MAPKAP1: variants seen among roughly 807,000 people sequenced by gnomAD.
MAPKAP1 encodes MAPK associated protein 1, also known as target of rapamycin complex 2 subunit MAPKAP1.
Under a neutral mutation model 65.7 loss-of-function variants are expected in MAPKAP1, and 20 were observed. The observed-to-expected ratio is 0.30, with a 90% CI of 0.21 to 0.44. The LOEUF is 0.44. Ranked by LOEUF, MAPKAP1 falls within the 20% of genes least tolerant of loss-of-function variation. MAPKAP1 has a pLI of 1.00. For synonymous variants in MAPKAP1, 222 were observed against 244.3 expected, an observed-to-expected ratio of 0.91 and a Z score of 0.85; for missense variants, 423 against 648.0, an observed-to-expected ratio of 0.65 and a Z score of 3.77.
chr9:125,454,298 T>C (rs1036452545), intron 10 of MAPKAP1, among the ~76,000 whole-genome samples: 3 of 152,244 alleles, frequency 2.0e-5, no homozygotes, highest in African/African-American at 7.2e-5. Context: ...CTTAGAGAAG[T>C]AGATAAGAAA....
At chr9:125,693,014 A>AAGCAAACCCTCACACACTGG (rs1258189963) in intron 1 of MAPKAP1, among the ~76,000 whole-genome samples, 1 of 152,182 alleles carries the variant, frequency 6.6e-6, no homozygotes, top group Non-Finnish European at 1.5e-5. Flanking sequence ...GGCTTTGCTG[A>AAGCAAACCCTCACACACTGG]AGCAAACCCT....
intron 4 of MAPKAP1, chr9:125,652,292 G>A: frequency 3.4e-6 from 4 of 1,173,026 alleles, no homozygotes; most frequent in East Asian, 5.5e-5. Context: ...ATGTATTTAA[G>A]GACTATCATC....
At chr9:125,488,022 C>A (rs1001443612) in intron 8 of MAPKAP1, among the ~76,000 whole-genome samples, 4 of 152,176 alleles carry the variant, frequency 2.6e-5, no homozygotes, top group African/African-American at 9.7e-5. Flanking sequence ...TATGAAATAA[C>A]CAGCAAGGCT....
In MAPKAP1 at chr9:125,623,659, G is replaced by C. The variant is rs1408490538; in HGVS notation, c.498+33992C>G. On this transcript the variant is annotated intron_variant, in intron 4 of 11. Transcript: ENST00000265960. ...GCCCAGCAGCCACCCCATCTGGGAA[G>C]TGAGGAGCGTCTCTGCCCAGCAGCC... 1.2e-4 allele frequency among the ~76,000 whole-genome samples: 2 copies of C among 17,390 alleles called. 1 individual carries two copies. Among genetic ancestry groups the C allele is most frequent in the African/African-American group, 1.3e-4 (2 of 15,568 alleles). 11.4% of individuals were successfully genotyped at this position (17,390 alleles called of 152,430 possible).
chr9:125,638,719 T>G (rs1159310419), intron 4 of MAPKAP1, among the ~76,000 whole-genome samples: 1 of 152,174 alleles, frequency 6.6e-6, no homozygotes, highest in African/African-American at 2.4e-5. Context: ...CCTTTAAGAC[T>G]GCAGCACATA....
At chr9:125,618,938 C>T (rs1040075100) in intron 4 of MAPKAP1, among the ~76,000 whole-genome samples, 3 of 152,066 alleles carry the variant, frequency 2.0e-5, no homozygotes, top group Non-Finnish European at 4.4e-5. Flanking sequence ...TTGAGATCAG[C>T]CTGGACAACA....
chr9:125,482,543 CT>C (rs1428698756), intron 9 of MAPKAP1, among the ~76,000 whole-genome samples: 1 of 152,154 alleles, frequency 6.6e-6, no homozygotes, highest in Non-Finnish European at 1.5e-5. Context: ...AATTTCACCA[CT>C]TTAGATATTT....
At chr9:125,613,141 T>C (rs1033568236) in intron 4 of MAPKAP1, among the ~76,000 whole-genome samples, 2 of 152,264 alleles carry the variant, frequency 1.3e-5, no homozygotes, top group Non-Finnish European at 2.9e-5. Context: ...AACAGGACTG[T>C]AGATCATTAT....
intron 5 of MAPKAP1, among the ~76,000 whole-genome samples, chr9:125,574,628 TGTCCTAA>T (rs1247592419): frequency 3.3e-5 from 5 of 152,236 alleles, no homozygotes; most frequent in African/African-American, 1.2e-4. Flanking sequence ...TGCCAAATAC[TGTCCTAA>T]GTCCACAGGG....
chr9:125,615,781 T>C lies in MAPKAP1; in HGVS notation c.499-30054A>G, dbSNP rs181466637. On this transcript the variant is annotated intron_variant, in intron 4 of 11. Coordinates refer to ENST00000265960, the MANE Select transcript of MAPKAP1 (RefSeq NM_001006617.3). ...TACAAAAATTAGCCAGGTGTAGTGG[T>C]GCATGCCTGTAATCCCAGCTACTCA... 4.0e-5 allele frequency among the ~76,000 whole-genome samples: 6 copies of C among 151,854 alleles called. No individual in the cohort carries two copies. In the East Asian group the frequency reaches 1.2e-3, roughly 29 times the overall value.
chr9:125,612,180 G>C (rs930501646), intron 4 of MAPKAP1, among the ~76,000 whole-genome samples: 1 of 152,004 alleles, frequency 6.6e-6, no homozygotes, highest in Admixed American at 6.6e-5. Context: ...TTTAGATTTT[G>C]GAGCATTTTA....
chr9:125,661,027 G>A (rs1834170404), intron 3 of MAPKAP1, among the ~76,000 whole-genome samples: 1 of 152,090 alleles, frequency 6.6e-6, no homozygotes, highest in Non-Finnish European at 1.5e-5. Context: ...TATTCTAAAA[G>A]TAAAGAAGAC....
intron 4 of MAPKAP1, among the ~76,000 whole-genome samples, chr9:125,614,366 G>T (rs545169237): frequency 6.6e-6 from 1 of 152,258 alleles, no homozygotes; most frequent in East Asian, 1.9e-4. Context: ...GCTCATACTT[G>T]TAATCCCAGC....
chr9:125,668,507 A>T (rs1293363501), intron 3 of MAPKAP1, among the ~76,000 whole-genome samples: 1 of 152,198 alleles, frequency 6.6e-6, no homozygotes, highest in East Asian at 1.9e-4. Context: ...CCGATATGAT[A>T]TTGGGAGGTG....
chr9:125,464,381 T>A (rs1254411111), intron 10 of MAPKAP1, among the ~76,000 whole-genome samples: 3 of 152,168 alleles, frequency 2.0e-5, no homozygotes, highest in Non-Finnish European at 4.4e-5. Context: ...ATTCACCTTT[T>A]AGGGGCTTAT....
At chr9:125,518,586 C>T (rs1829531706) in intron 7 of MAPKAP1, among the ~76,000 whole-genome samples, 1 of 152,164 alleles carries the variant, frequency 6.6e-6, no homozygotes, top group African/African-American at 2.4e-5. Flanking sequence ...AGGAGGACTG[C>T]TTAAACCCAG....
chr9:125,626,477 G>C (rs1833123417), intron 4 of MAPKAP1, among the ~76,000 whole-genome samples: 1 of 152,116 alleles, frequency 6.6e-6, no homozygotes, highest in African/African-American at 2.4e-5. Flanking sequence ...GACCTACACT[G>C]TCCAACAGCC....
chr9:125,674,445 TGA>T (rs1834586966), intron 1 of MAPKAP1, among the ~76,000 whole-genome samples: 1 of 152,190 alleles, frequency 6.6e-6, no homozygotes, highest in African/African-American at 2.4e-5. Context: ...GCAAAATTGT[TGA>T]GAAGTACAAG....
At chr9:125,589,351 G>A (rs1384408794) in intron 4 of MAPKAP1, among the ~76,000 whole-genome samples, 2 of 152,138 alleles carry the variant, frequency 1.3e-5, no homozygotes, top group Non-Finnish European at 2.9e-5. Context: ...TTCCTTGAGA[G>A]CAATGTTAAC....
Sources: allele counts gnomAD v4.1 joint callset (sites outside exome capture counted in the v4.1 genomes callset), GRCh38; gene constraint gnomAD v4.1.1; transcripts MANE v1.5; gene names NCBI Gene and HGNC (gene_info 2026-07-23, HGNC 2026-07-21).